The following STAMBP variants were observed in gnomAD, a reference collection of about 807,000 sequenced individuals.
STAMBP encodes STAM-binding protein.
Under a neutral mutation model 50.7 loss-of-function variants are expected in STAMBP, and 31 were observed. The ratio of observed to expected loss-of-function variants is 0.61; its 90% CI spans 0.46 to 0.83. STAMBP has a LOEUF of 0.83. STAMBP is among the 40% of genes least tolerant of loss of function. The pLI is 0.00. For synonymous variants in STAMBP, 211 were observed against 192.4 expected (o/e 1.10, Z -0.80); for missense variants, 472 against 518.9 (o/e 0.91, Z 0.88).
At chr2:73,857,252 G>GCAC (rs1677667345) in intron 7 of STAMBP, among the ~76,000 whole-genome samples, 1 of 152,008 alleles carries the variant, frequency 6.6e-6, no homozygotes, top group Admixed American at 6.5e-5. Context: ...ATGCCTTCTC[G>GCAC]CATCAAGGCT....
chr2:73,853,437 C>T (rs1677114204), intron 7 of STAMBP, among the ~76,000 whole-genome samples: 1 of 152,174 alleles, frequency 6.6e-6, no homozygotes, highest in South Asian at 2.1e-4. Context: ...TAAATATATA[C>T]TTTAGGCCGG....
At chr2:73,839,164 T>C (rs1467489474) in intron 2 of STAMBP, among the ~76,000 whole-genome samples, 1 of 152,228 alleles carries the variant, frequency 6.6e-6, no homozygotes, top group East Asian at 1.9e-4. Flanking sequence ...TTTGTTCCTT[T>C]TCCTGGAGCA....
At chr2:73,856,891 ATC>A (rs1306277722) in intron 7 of STAMBP, among the ~76,000 whole-genome samples, 16 of 152,318 alleles carry the variant, frequency 1.1e-4, no homozygotes, top group Admixed American at 9.1e-4. Flanking sequence ...GTGTGCTGTC[ATC>A]TGAGATGGGG....
At chr2:73,847,876 C>T in intron 5 of STAMBP, 123 bp downstream of exon 5, 1 of 1,283,860 alleles carries the variant, frequency 7.8e-7, no homozygotes. Flanking sequence ...AGAAACCCAT[C>T]TGATAAGTAT....
chr2:73,836,558 G>T (rs1464533673), intron 2 of STAMBP, among the ~76,000 whole-genome samples: 1 of 152,268 alleles, frequency 6.6e-6, no homozygotes, highest in Non-Finnish European at 1.5e-5. Context: ...TCCAGCCCCA[G>T]CCCTGAGCAG....
downstream of STAMBP, among the ~76,000 whole-genome samples, chr2:73,869,386 G>A (rs1679104797): frequency 6.6e-6 from 1 of 152,078 alleles, no homozygotes; most frequent in African/African-American, 2.4e-5. Flanking sequence ...AAAATAAATG[G>A]AAAGACAGGC....
chr2:73,845,670 C>T (rs1032504885), intron 4 of STAMBP, among the ~76,000 whole-genome samples: 4 of 144,726 alleles, frequency 2.8e-5, no homozygotes, highest in East Asian at 2.0e-4. Flanking sequence ...CTCACTCTGT[C>T]GCCTAGGCTG....
chr2:73,831,870 A>C (rs1188039830), intron 2 of STAMBP, among the ~76,000 whole-genome samples: 1 of 152,066 alleles, frequency 6.6e-6, no homozygotes, highest in Non-Finnish European at 1.5e-5. Flanking sequence ...ATGAGGAAAC[A>C]AACTCAGTGT....
In STAMBP at chr2:73,847,595, C is replaced by A. The variant is rs145371787; in HGVS notation, c.584C>A (p.Pro195Gln). 6 of 1,614,136 alleles carry A rather than the reference C, an allele frequency of 3.7e-6. No homozygotes were observed. Among genetic ancestry groups the A allele is most frequent in the Non-Finnish European group, 5.1e-6 (6 of 1,180,022 alleles). ...AAGGTAGACCCTGGCCTAGGTGGCC[C>A]GCTAGTGCCTGACTTGGAGAAGCCC... is the stretch of plus-strand genomic sequence containing the variant. ...FGKVDPGLGG[P>Q]LVPDLEKPSL... The change falls in exon 5 of 10, where the codon CCG (proline) becomes CAG (glutamine). Residue 195 changes from proline to glutamine, a missense_variant. Coordinates refer to ENST00000394070, the MANE Select transcript of STAMBP (RefSeq NM_213622.4).
At chr2:73,855,229 T>A (rs1322714284) in intron 7 of STAMBP, among the ~76,000 whole-genome samples, 1 of 152,158 alleles carries the variant, frequency 6.6e-6, no homozygotes, top group Non-Finnish European at 1.5e-5. Context: ...TAGGGAAAAT[T>A]TCCCTCTTAG....
intron 9 of STAMBP, 40 bp downstream of exon 9, chr2:73,860,191 G>A (rs1208394945): frequency 1.9e-6 from 3 of 1,542,660 alleles, no homozygotes; most frequent in East Asian, 4.5e-5. Context: ...TATGCTTCAA[G>A]CAGGGAGGAC....
At chr2:73,849,047 A>G (rs1001976923) in intron 5 of STAMBP, among the ~76,000 whole-genome samples, 1 of 152,182 alleles carries the variant, frequency 6.6e-6, no homozygotes, top group Non-Finnish European at 1.5e-5. Context: ...GTTACAAACA[A>G]TCCAATTACA....
chr2:73,857,730 T>G (rs749825912), intron 7 of STAMBP, among the ~76,000 whole-genome samples: 4 of 152,198 alleles, frequency 2.6e-5, no homozygotes, highest in Non-Finnish European at 5.9e-5. Flanking sequence ...CTCAGAATTA[T>G]GGTTCTGCAC....
intron 9 of STAMBP, 77 bp downstream of exon 9, chr2:73,860,228 C>G: frequency 8.1e-7 from 1 of 1,233,344 alleles, no homozygotes; most frequent in Non-Finnish European, 1.2e-6. Context: ...ATGCATCATC[C>G]TTTCTGATCC....
Position 73,862,874 on chromosome 2 carries a change from C to G in STAMBP, c.*615C>G, listed in dbSNP as rs1678497773. The G allele has an allele frequency of 6.6e-6, 1 of 152,358 alleles. No homozygotes were observed. Among genetic ancestry groups the G allele is most frequent in the Non-Finnish European group, 1.5e-5 (1 of 67,998 alleles). 9.4% of individuals were successfully genotyped at this position (152,358 alleles called of 1,614,324 possible). A position where few individuals can be genotyped will look rare whatever the true frequency, so the allele number is the denominator to read the frequency against. On this transcript the variant is annotated 3_prime_UTR_variant, in exon 10 of 10. Transcript: ENST00000394070. Reference sequence around the variant, plus strand: ...ATATTTTTCCTCTACAATAAAGTAACAATTAACTTATGTTTTTGTGCTTCA... The same window carrying G: ...ATATTTTTCCTCTACAATAAAGTAAGAATTAACTTATGTTTTTGTGCTTCA...
Position 73,847,759 on chromosome 2 carries a change from T to G in STAMBP, c.742+6T>G, listed in dbSNP as rs781038594. Reference sequence around the variant, plus strand: ...ACTGAGCAACTCAGAAAGTAGTAAGTGCATTTGCTGATGTCCTCTTCCTTC... The same window carrying G: ...ACTGAGCAACTCAGAAAGTAGTAAGGGCATTTGCTGATGTCCTCTTCCTTC... On this transcript the variant is annotated splice_donor_region_variant and intron_variant, in intron 5 of 9. Transcript: ENST00000394070. 1.2e-6 allele frequency: 2 copies of G among 1,609,470 alleles called. No individual in the cohort carries two copies. The highest frequency in any genetic ancestry group is 4.5e-5 in the East Asian group (2 of 44,858).
At chr2:73,842,846 A>G (rs1326369558) in intron 2 of STAMBP, among the ~76,000 whole-genome samples, 2 of 152,220 alleles carry the variant, frequency 1.3e-5, no homozygotes, top group Non-Finnish European at 2.9e-5. Context: ...GGAGTATACA[A>G]AGAAGCATGA....
At chr2:73,835,590 G>A (rs1377040797) in intron 2 of STAMBP, among the ~76,000 whole-genome samples, 2 of 152,144 alleles carry the variant, frequency 1.3e-5, no homozygotes, top group African/African-American at 2.4e-5. Flanking sequence ...GTGGCTTGAA[G>A]TAGTGTGGCA....
intron 2 of STAMBP, among the ~76,000 whole-genome samples, chr2:73,831,837 G>A (rs1673967070): frequency 6.6e-6 from 1 of 151,890 alleles, no homozygotes; most frequent in Non-Finnish European, 1.5e-5. Flanking sequence ...ATGGAATAGG[G>A]TACACTACCC....
Sources: allele counts gnomAD v4.1 joint callset (sites outside exome capture counted in the v4.1 genomes callset), GRCh38; gene constraint gnomAD v4.1.1; transcripts MANE v1.5; gene names NCBI Gene and HGNC (gene_info 2026-07-23, HGNC 2026-07-21).